Variants in HAUS3 observed in about 807,000 individuals in gnomAD.
HAUS3 encodes HAUS augmin like complex subunit 3.
Under a neutral mutation model 55.2 loss-of-function variants are expected in HAUS3, and 36 were observed. The observed-to-expected ratio is 0.65, with a 90% CI of 0.50 to 0.86. The LOEUF is 0.86. Ranked by LOEUF, HAUS3 falls within the 40% of genes least tolerant of loss-of-function variation. The pLI, the probability that HAUS3 is intolerant of heterozygous loss-of-function variation, is 0.00. For synonymous variants in HAUS3, 234 were observed against 238.6 expected, an observed-to-expected ratio of 0.98 and a Z score of 0.18; for missense variants, 752 against 671.5, an observed-to-expected ratio of 1.12 and a Z score of -1.33.
chr4:2,236,461 A>G lies in HAUS3; in HGVS notation c.1350-5T>C, dbSNP rs114004493. ...CCCTCCAAAACTTGGTAAAGCCTGAAATGTAAAAATTAAAATTATAGGGAA... is the reference window on the plus strand; with the variant it reads ...CCCTCCAAAACTTGGTAAAGCCTGAGATGTAAAAATTAAAATTATAGGGAA... On this transcript the variant is annotated splice_polypyrimidine_tract_variant and splice_region_variant and intron_variant, in intron 4 of 5. Coordinates refer to ENST00000443786, the MANE Select transcript of HAUS3 (RefSeq NM_001303143.2). The G allele has an allele frequency of 3.5e-4, 558 of 1,581,444 alleles. 2 individuals carry two copies. The African/African-American group carries it at 6.9e-3, about 19-fold the overall frequency.
chr4:2,240,286 G>GT lies in HAUS3; in HGVS notation c.660dup (p.Gln221ThrfsTer8), dbSNP rs1321737329. On this transcript the variant is annotated frameshift_variant, in exon 3 of 6. Coordinates refer to ENST00000443786, the MANE Select transcript of HAUS3 (RefSeq NM_001303143.2). LOFTEE classifies it high-confidence loss of function. ...ACTTCATGTATACCCTGAAAGAACT[G>GT]TTTTTTGGTATACAAAGTTAATGCT... 6.2e-7 allele frequency: 1 copy of GT among 1,612,836 alleles called. No homozygotes were observed. Among genetic ancestry groups the GT allele is most frequent in the Non-Finnish European group, 8.5e-7 (1 of 1,179,196 alleles).
chr4:2,236,078 G>T, intron 5 of HAUS3, 150 bp downstream of exon 5: 1 of 540,226 alleles, frequency 1.9e-6, no homozygotes. Flanking sequence ...ATATTTATAT[G>T]TGAACAAAAA....
In HAUS3 at chr4:2,237,158, T is replaced by C. The variant is rs984690781; in HGVS notation, c.1350-702A>G. Among the ~76,000 whole-genome samples the C allele has an allele frequency of 1.1e-4, 17 of 152,170 alleles. No homozygotes were observed. In the South Asian group the frequency reaches 3.1e-3, roughly 28 times the overall value. On this transcript the variant is annotated intron_variant, in intron 4 of 5. Coordinates refer to ENST00000443786, the MANE Select transcript of HAUS3 (RefSeq NM_001303143.2). ...CTCATAGAATATAACTATGATGTAG[T>C]AGAAACAACAGGCTATGGCTCATGC...
Position 2,231,405 on chromosome 4 carries a change from C to G in HAUS3, c.*522G>C, listed in dbSNP as rs1423223642. Reference sequence around the variant, plus strand: ...AAGAGGTCAAGAGATTGAGACCATCCTGGCCAACATGGTGAAACCCCTTTT... The same window carrying G: ...AAGAGGTCAAGAGATTGAGACCATCGTGGCCAACATGGTGAAACCCCTTTT... On this transcript the variant is annotated 3_prime_UTR_variant, in exon 6 of 6. Coordinates refer to ENST00000443786, the MANE Select transcript of HAUS3 (RefSeq NM_001303143.2). The G allele has an allele frequency of 6.5e-6, 1 of 152,684 alleles. No homozygotes were observed. Among genetic ancestry groups the G allele is most frequent in the African/African-American group, 2.4e-5 (1 of 41,440 alleles). 9.5% of individuals were successfully genotyped at this position (152,684 alleles called of 1,614,324 possible).
At position 2,231,830 on chromosome 4, in the gene HAUS3, T is replaced by C. The variant is rs1279699979; in HGVS notation, c.*97A>G. The C allele has an allele frequency of 3.7e-5, 23 of 626,616 alleles. No individual in the cohort carries two copies. Among genetic ancestry groups the C allele is most frequent in the South Asian group, 1.9e-4 (10 of 51,480 alleles). 38.8% of individuals were successfully genotyped at this position (626,616 alleles called of 1,614,324 possible). A position where few individuals can be genotyped will look rare whatever the true frequency, so the allele number is the denominator to read the frequency against. ...TCAATTCATCAAATTAAATGTTCCATTGACCTCAAATTTTAAAAATTTAGT... is the reference window on the plus strand; with the variant it reads ...TCAATTCATCAAATTAAATGTTCCACTGACCTCAAATTTTAAAAATTTAGT... On this transcript the variant is annotated 3_prime_UTR_variant, in exon 6 of 6. Transcript: ENST00000443786.
Position 2,240,323 on chromosome 4 carries a change from C to T in HAUS3, c.624G>A (p.Glu208=). Residue 208 remains glutamate, a synonymous_variant, in exon 3 of 6, where the codon GAG becomes GAA. Coordinates refer to ENST00000443786, the MANE Select transcript of HAUS3 (RefSeq NM_001303143.2). The part of the protein sequence containing the change: ...FSLEKYLSQE[E]QSTAALTLYT... ...ACAAAGTTAATGCTGCTGTGCTTTG[C>T]TCTTCCTGACTTAGGTATTTTTCCA... 6.2e-7 allele frequency: 1 copy of T among 1,604,696 alleles called. No individual in the cohort carries two copies. Among genetic ancestry groups the T allele is most frequent in the Non-Finnish European group, 8.5e-7 (1 of 1,174,300 alleles).
chr4:2,237,267 C>A (rs1560104927), intron 4 of HAUS3, among the ~76,000 whole-genome samples: 2 of 138,130 alleles, frequency 1.4e-5, no homozygotes, highest in African/African-American at 6.5e-5. Flanking sequence ...CCCATCTCTA[C>A]AAATTTTTTT....
rs775490843 is a variant in HAUS3, at chr4:2,238,607, T to C, written c.1346A>G (p.His449Arg). ...AGAAACAATGAAGCATACGTACCTA[T>C]GAGTAGAATAATCCTTAGTATCAAT... is the stretch of plus-strand genomic sequence containing the variant. ...NTIDTKDYST[H>R]RLYQVLEGEN... Residue 449 changes from histidine (H) to arginine (R), a missense_variant, in exon 4 of 6, where the codon CAT (histidine) becomes CGT (arginine). By Grantham distance (29) the His-to-Arg change is conservative (BLOSUM62 0). Coordinates refer to ENST00000443786, the MANE Select transcript of HAUS3 (RefSeq NM_001303143.2). 2 of 1,569,314 alleles carry C rather than the reference T, an allele frequency of 1.3e-6. No homozygotes were observed. The highest frequency in any genetic ancestry group is 1.7e-6 in the Non-Finnish European group (2 of 1,148,942).
At position 2,238,851 on chromosome 4, in the gene HAUS3, C is replaced by G; in HGVS notation, c.1102G>C (p.Ala368Pro). The part of the protein sequence containing the change: ...LQIAKQDYYT[A>P]RQELVLNQLI... ...TGATTTAAAACTAACTCTTGTCTTG[C>G]TGTATAATAATCTTGTTTAGCAATC... is the stretch of plus-strand genomic sequence containing the variant. The change falls in exon 4 of 6, where the codon GCA becomes CCA. Residue 368 changes from alanine to proline, a missense_variant. Transcript: ENST00000443786. 6.2e-7 allele frequency: 1 copy of G among 1,613,214 alleles called. No individual in the cohort carries two copies. The highest frequency in any genetic ancestry group is 8.5e-7 in the Non-Finnish European group (1 of 1,179,502).
intron 5 of HAUS3, among the ~76,000 whole-genome samples, chr4:2,233,773 T>C (rs1010740992): frequency 1.3e-5 from 2 of 152,206 alleles, no homozygotes; most frequent in Admixed American, 1.3e-4. Flanking sequence ...TAAGAAAACA[T>C]TGTGTTGGTT....
chr4:2,236,420 T>G lies in HAUS3; in HGVS notation c.1386A>C (p.Lys462Asn). 6.2e-7 allele frequency: 1 copy of G among 1,613,182 alleles called. No individual in the cohort carries two copies. Among genetic ancestry groups the G allele is most frequent in the Non-Finnish European group, 8.5e-7 (1 of 1,179,358 alleles). The change falls in exon 5 of 6, where the codon AAA becomes AAC. Residue 462 changes from lysine (K) to asparagine (N), a missense_variant. By Grantham distance (94) the Lys-to-Asn change is moderately conservative. Coordinates refer to ENST00000443786, the MANE Select transcript of HAUS3 (RefSeq NM_001303143.2). ...GGTTTCCATGAGTTAGAAACAATTC[T>G]TTTTTCTTATTCTCTCCCTCCAAAA... is the stretch of plus-strand genomic sequence containing the variant. ...YQVLEGENKK[K>N]ELFLTHGNLE... is the part of the protein sequence containing the mutation.
Position 2,240,216 on chromosome 4 carries a change from T to C in HAUS3, c.731A>G (p.Gln244Arg), listed in dbSNP as rs1734923719. The C allele has an allele frequency of 6.8e-6, 11 of 1,613,738 alleles. No homozygotes were observed. The highest frequency in any genetic ancestry group is 1.7e-5 in the Admixed American group (1 of 59,962). ...NEDNFQLLDI[Q>R]TPSICDNQEI... ...TTGATTATCACAAATAGATGGTGTC[T>C]GTATATCTAAAAGTTGAAAATTGTC... Residue 244 changes from glutamine to arginine, a missense_variant, in exon 3 of 6, where the codon CAG becomes CGG. By Grantham distance (43) the Gln-to-Arg change is conservative. Coordinates refer to ENST00000443786, the MANE Select transcript of HAUS3 (RefSeq NM_001303143.2).
chr4:2,232,136 C>T lies in HAUS3; in HGVS notation c.1603G>A (p.Val535Ile). The T allele has an allele frequency of 1.9e-6, 3 of 1,557,210 alleles. No individual in the cohort carries two copies. The highest frequency in any genetic ancestry group is 2.6e-6 in the Non-Finnish European group (3 of 1,151,204). Residue 535 changes from valine (V) to isoleucine (I), a missense_variant, in exon 6 of 6, where the codon GTT becomes ATT. By Grantham distance (29) the Val-to-Ile change is conservative. Coordinates refer to ENST00000443786, the MANE Select transcript of HAUS3 (RefSeq NM_001303143.2). ...DQELTEQFHK[V>I]ESQLNKLNHL... ...TTTAGCTTATTCAGTTGAGATTCAA[C>T]TTTATGAAACTGCTCTGTTAACTCC...
intron 5 of HAUS3, chr4:2,234,646 A>T (rs1734694219): frequency 6.6e-6 from 1 of 152,246 alleles, no homozygotes; most frequent in Non-Finnish European, 1.5e-5. Flanking sequence ...TAAAGAAAAG[A>T]AAACTATATG....
rs571186049 is a variant in HAUS3 at position 2,233,858 on chromosome 4, C to T, written c.1579-1698G>A. Among the ~76,000 whole-genome samples the T allele has an allele frequency of 5.3e-5, 8 of 152,220 alleles. No homozygotes were observed. In the South Asian group the frequency reaches 1.5e-3, roughly 28 times the overall value. On this transcript the variant is annotated intron_variant, in intron 5 of 5. Coordinates refer to ENST00000443786, the MANE Select transcript of HAUS3 (RefSeq NM_001303143.2). Reference sequence around the variant, plus strand: ...TATGGTCAATGGTGTCTAGTAGACACTTATATAGTGCTGGTAGCATTATAA... The same window carrying T: ...TATGGTCAATGGTGTCTAGTAGACATTTATATAGTGCTGGTAGCATTATAA...
At position 2,229,896 on chromosome 4, in the gene HAUS3, T is replaced by TA. The variant is rs1448243882; in HGVS notation, c.*2030dup. ...TACCTAGTAACACAACGATTATAAG[T>TA]AACTTGGGTAATTACGGCAGACACA... On this transcript the variant is annotated 3_prime_UTR_variant, in exon 6 of 6. Coordinates refer to ENST00000443786, the MANE Select transcript of HAUS3 (RefSeq NM_001303143.2). 6.6e-6 allele frequency: 1 copy of TA among 152,128 alleles called. No homozygotes were observed. Among genetic ancestry groups the TA allele is most frequent in the Non-Finnish European group, 1.5e-5 (1 of 68,026 alleles). The allele number at this position is 152,128 out of a possible 1,614,324, so 9.4% of individuals were successfully genotyped here.
rs754456958 is a variant in HAUS3 at position 2,238,749 on chromosome 4, A to G, written c.1204T>C (p.Tyr402His). 6.8e-6 allele frequency: 11 copies of G among 1,613,680 alleles called. No individual in the cohort carries two copies. The highest frequency in any genetic ancestry group is 2.2e-5 in the East Asian group (1 of 44,810). ...TGAACCAAATTTTCAAGTTGACGAT[A>G]TATGTCCCGATGCTTTCTTAATTCA... Reference protein sequence around the residue: ...EIELRKHRDIYRQLENLVQEL... With the variant: ...EIELRKHRDIHRQLENLVQEL... The change falls in exon 4 of 6, where the codon TAT (tyrosine) becomes CAT (histidine). Residue 402 changes from tyrosine (Y) to histidine (H), a missense_variant. Tyr to His is a moderately conservative substitution (Grantham distance 83). Coordinates refer to ENST00000443786, the MANE Select transcript of HAUS3 (RefSeq NM_001303143.2).
chr4:2,235,689 A>T (rs1028738550), intron 5 of HAUS3, among the ~76,000 whole-genome samples: 3 of 152,262 alleles, frequency 2.0e-5, no homozygotes, highest in African/African-American at 7.2e-5. Context: ...TACCACCACC[A>T]GTATAATAAC....
intron 4 of HAUS3, among the ~76,000 whole-genome samples, chr4:2,237,422 T>C (rs1036441660): frequency 6.8e-6 from 1 of 147,576 alleles, no homozygotes; most frequent in Non-Finnish European, 1.5e-5. Flanking sequence ...GGCAAGAGAG[T>C]GAGACCTTGT....
Sources: gnomAD v4.1 joint callset for allele counts (sites outside exome capture counted in the v4.1 genomes callset) on GRCh38, gnomAD v4.1.1 for gene constraint, MANE v1.5 for transcripts, NCBI Gene and HGNC (gene_info 2026-07-23, HGNC 2026-07-21) for gene names.